The following SCAPER variants were observed in gnomAD, a reference collection of about 807,000 sequenced individuals.
SCAPER encodes the protein S phase cyclin A-associated protein in the endoplasmic reticulum.
SCAPER carries 98 observed loss-of-function variants against 182.2 expected under a neutral mutation model. The ratio of observed to expected loss-of-function variants is 0.54; its 90% CI spans 0.46 to 0.64. The LOEUF is 0.64. SCAPER is among the 30% of genes least tolerant of loss of function. The pLI, the probability that SCAPER is intolerant of heterozygous loss-of-function variation, is 0.00. For missense variants in SCAPER, 1,432 were observed against 1,690.0 expected (o/e 0.85, Z 2.68); for synonymous variants, 605 against 564.6 (o/e 1.07, Z -1.01).
intron 16 of SCAPER, among the ~76,000 whole-genome samples, chr15:76,731,987 T>C (rs2060947021): frequency 6.6e-6 from 1 of 152,262 alleles, no homozygotes. Flanking sequence ...TATACACTAC[T>C]ACTCATGTAC....
At position 76,488,714 on chromosome 15, in the gene SCAPER, C is replaced by CTTTTTTTTTTTTTTTTT. The variant is rs71143333; in HGVS notation, c.2954+16128_2954+16144dup. ...TTGCATCCTGATAACAGTACACTGC[C>CTTTTTTTTTTTTTTTTT]TTTTTTTTTTTTTTTTTTTTTTTTT... On this transcript the variant is annotated intron_variant, in intron 24 of 31. Coordinates refer to ENST00000563290, the MANE Select transcript of SCAPER (RefSeq NM_020843.4). 1.5e-3 allele frequency among the ~76,000 whole-genome samples: 141 copies of CTTTTTTTTTTTTTTTTT among 93,086 alleles called. 15 individuals carry two copies. The highest frequency in any genetic ancestry group is 4.4e-3 in the East Asian group (11 of 2,480). 61.1% of individuals were successfully genotyped at this position (93,086 alleles called of 152,430 possible).
chr15:76,552,339 A>AG (rs2045847978), intron 23 of SCAPER, among the ~76,000 whole-genome samples: 1 of 152,146 alleles, frequency 6.6e-6, no homozygotes, highest in African/African-American at 2.4e-5. Flanking sequence ...CACACCCGGC[A>AG]GGAGTATTTC....
chr15:76,887,424 C>A (rs2073900966), intron 1 of SCAPER, among the ~76,000 whole-genome samples: 1 of 152,132 alleles, frequency 6.6e-6, no homozygotes, highest in African/African-American at 2.4e-5. Flanking sequence ...GCAGACTGTA[C>A]CTGGAAAATC....
chr15:76,471,314 A>G lies in SCAPER; in HGVS notation c.2976T>C (p.Asn992=). 1 of 1,610,486 alleles carries G rather than the reference A, an allele frequency of 6.2e-7. No individual in the cohort carries two copies. The highest frequency in any genetic ancestry group is 8.5e-7 in the Non-Finnish European group (1 of 1,178,316). ...IPPKSLCNAI[N]VYNLTCNNCS... ...AGTTATTGCAGGTGAGGTTGTAAACATTGATTGCATTGCAGAGAGACCTAA... is the reference window on the plus strand; with the variant it reads ...AGTTATTGCAGGTGAGGTTGTAAACGTTGATTGCATTGCAGAGAGACCTAA... The change falls in exon 25 of 32, where the codon AAT becomes AAC. Residue 992 remains asparagine (N), a synonymous_variant. Transcript: ENST00000563290.
At chr15:76,688,075 T>C (rs1036737243) in intron 20 of SCAPER, among the ~76,000 whole-genome samples, 2 of 152,210 alleles carry the variant, frequency 1.3e-5, no homozygotes, top group African/African-American at 4.8e-5. Context: ...AAAGCACTCC[T>C]ATTTCTCCAC....
At chr15:76,523,277 A>G (rs529273108) in intron 23 of SCAPER, among the ~76,000 whole-genome samples, 3 of 152,214 alleles carry the variant, frequency 2.0e-5, no homozygotes, top group South Asian at 4.1e-4. Flanking sequence ...TATTTGCATA[A>G]AATGAGGAAG....
intron 23 of SCAPER, among the ~76,000 whole-genome samples, chr15:76,521,850 G>C (rs2042862002): frequency 6.6e-6 from 1 of 152,110 alleles, no homozygotes; most frequent in South Asian, 2.1e-4. Context: ...AAAGTTAGTA[G>C]ACAAGTCTCT....
chr15:76,872,119 C>T (rs535033594), intron 2 of SCAPER, among the ~76,000 whole-genome samples: 5 of 151,130 alleles, frequency 3.3e-5, no homozygotes, highest in Admixed American at 2.0e-4. Context: ...GAAAGGTCAG[C>T]GAACTGGAAA....
chr15:76,893,837 C>G (rs1161982329), intron 1 of SCAPER, among the ~76,000 whole-genome samples: 3 of 151,948 alleles, frequency 2.0e-5, no homozygotes, highest in Non-Finnish European at 4.4e-5. Flanking sequence ...AGAAAAAAAT[C>G]AAAAGGGAAA....
intron 21 of SCAPER, among the ~76,000 whole-genome samples, chr15:76,628,119 C>T (rs1053365041): frequency 6.6e-6 from 1 of 152,074 alleles, no homozygotes. Context: ...TGTCCTTGGC[C>T]CACTTTTTAA....
At chr15:76,537,322 G>A (rs376481767) in intron 23 of SCAPER, among the ~76,000 whole-genome samples, 21 of 151,948 alleles carry the variant, frequency 1.4e-4, no homozygotes, top group Middle Eastern at 6.8e-3. Flanking sequence ...AAACTATACT[G>A]CAAGGCTACA....
At chr15:76,663,366 C>T (rs1038781683) in intron 21 of SCAPER, among the ~76,000 whole-genome samples, 1 of 152,072 alleles carries the variant, frequency 6.6e-6, no homozygotes, top group Non-Finnish European at 1.5e-5. Flanking sequence ...CTATGGAAAA[C>T]AGTTTGACAA....
intron 17 of SCAPER, among the ~76,000 whole-genome samples, chr15:76,706,482 A>G (rs953681500): frequency 1.3e-5 from 2 of 152,154 alleles, no homozygotes; most frequent in African/African-American, 4.8e-5. Context: ...AAGCTCAGAA[A>G]TTGAAGAAAC....
At chr15:76,793,985 G>A (rs1250313805) in intron 8 of SCAPER, among the ~76,000 whole-genome samples, 1 of 152,190 alleles carries the variant, frequency 6.6e-6, no homozygotes, top group African/African-American at 2.4e-5. Flanking sequence ...GTTGTTGGTG[G>A]GGAGAAATCC....
intron 25 of SCAPER, among the ~76,000 whole-genome samples, chr15:76,450,645 C>T (rs558088514): frequency 6.6e-6 from 1 of 152,306 alleles, no homozygotes; most frequent in South Asian, 2.1e-4. Context: ...CCTCCACCTC[C>T]CTGGTTCAAA....
rs574983367 is a variant in SCAPER at position 76,678,222 on chromosome 15, G to A, written c.2509-12433C>T. On this transcript the variant is annotated intron_variant, in intron 20 of 31. Coordinates refer to ENST00000563290, the MANE Select transcript of SCAPER (RefSeq NM_020843.4). ...TTTTTCAAAAAAAATTCAATGTCTT[G>A]CTTAAAGGCTTATTTCTTTAAAGTT... Among the ~76,000 whole-genome samples, 6 of 151,988 alleles carry A rather than the reference G, an allele frequency of 3.9e-5. 1 individual carries two copies. Among genetic ancestry groups the A allele is most frequent in the African/African-American group, 1.4e-4 (6 of 41,494 alleles).
At chr15:76,513,810 C>G (rs1051960895) in intron 23 of SCAPER, among the ~76,000 whole-genome samples, 1 of 152,228 alleles carries the variant, frequency 6.6e-6, no homozygotes, top group African/African-American at 2.4e-5. Context: ...TCCGTTCAAA[C>G]TGCCACCTTT....
intron 5 of SCAPER, among the ~76,000 whole-genome samples, chr15:76,834,983 C>G (rs1281768936): frequency 6.6e-6 from 1 of 152,052 alleles, no homozygotes; most frequent in Non-Finnish European, 1.5e-5. Flanking sequence ...CAAAGAAGAG[C>G]TAATAAGAAT....
intron 23 of SCAPER, among the ~76,000 whole-genome samples, chr15:76,506,199 A>G (rs1385654045): frequency 2.0e-5 from 3 of 152,188 alleles, no homozygotes; most frequent in Admixed American, 2.0e-4. Context: ...TTGATAGCCC[A>G]ACAGCGTGAA....
Sources: allele counts gnomAD v4.1 joint callset (sites outside exome capture counted in the v4.1 genomes callset), GRCh38; gene constraint gnomAD v4.1.1; transcripts MANE v1.5; gene names NCBI Gene and HGNC (gene_info 2026-07-23, HGNC 2026-07-21).